BNC2: variants seen among roughly 807,000 people sequenced by gnomAD.
BNC2 encodes basonuclin zinc finger protein 2, also known as zinc finger protein basonuclin-2.
A neutral mutation model predicts 76.3 loss-of-function variants in BNC2; 20 were observed. The ratio of observed to expected loss-of-function variants is 0.26; its 90% CI spans 0.18 to 0.38. The LOEUF is 0.38. BNC2 is among the 10% of genes least tolerant of loss of function. The probability of loss-of-function intolerance (pLI) is 1.00; values close to 1 mark genes in which losing one functional copy is unlikely to be tolerated. For synonymous variants in BNC2, 582 were observed against 514.8 expected (o/e 1.13, Z -1.77); for missense variants, 1,382 against 1,399.8 (o/e 0.99, Z 0.20).
intron 5 of BNC2, among the ~76,000 whole-genome samples, chr9:16,542,847 ACAG>A (rs1189563859): frequency 6.6e-6 from 1 of 152,196 alleles, no homozygotes; most frequent in Non-Finnish European, 1.5e-5. Flanking sequence ...AGAAACCCAC[ACAG>A]ATCCTTATCT....
intron 6 of BNC2, among the ~76,000 whole-genome samples, chr9:16,425,002 C>G (rs1418671460): frequency 6.6e-6 from 1 of 152,088 alleles, no homozygotes. Context: ...TCCAAAAGAT[C>G]TGAAAACCAT....
At chr9:16,601,440 T>C (rs1820241273) in intron 3 of BNC2, among the ~76,000 whole-genome samples, 1 of 152,220 alleles carries the variant, frequency 6.6e-6, no homozygotes, top group Non-Finnish European at 1.5e-5. Context: ...TTTAAAGGAC[T>C]TCAGGGGTAA....
At chr9:16,521,406 A>C (rs554065673) in intron 5 of BNC2, among the ~76,000 whole-genome samples, 1 of 152,364 alleles carries the variant, frequency 6.6e-6, no homozygotes, top group East Asian at 1.9e-4. Context: ...TGTGAGCAGC[A>C]ATGTCATGAC....
At chr9:16,455,825 G>A (rs1057480526) in intron 5 of BNC2, among the ~76,000 whole-genome samples, 5 of 151,754 alleles carry the variant, frequency 3.3e-5, no homozygotes, top group African/African-American at 7.2e-5. Context: ...GGAACTTCAG[G>A]CAGTCTAAGG....
chr9:16,504,380 T>C (rs1373408728), intron 5 of BNC2, among the ~76,000 whole-genome samples: 1 of 144,372 alleles, frequency 6.9e-6, no homozygotes, highest in Non-Finnish European at 1.5e-5. Flanking sequence ...CTGAAATAAT[T>C]GTCTTCCTCT....
At chr9:16,592,123 C>CA (rs953750906) in intron 3 of BNC2, among the ~76,000 whole-genome samples, 18 of 151,436 alleles carry the variant, frequency 1.2e-4, no homozygotes, top group Admixed American at 3.3e-4. Flanking sequence ...CCCCTCCCCC[C>CA]AAAAAAAACC....
At chr9:16,614,942 T>A (rs1335173459) in intron 3 of BNC2, among the ~76,000 whole-genome samples, 2 of 130,416 alleles carry the variant, frequency 1.5e-5, no homozygotes, top group Non-Finnish European at 3.1e-5. Context: ...GATGACAGAG[T>A]GAGACTCTGT....
intron 3 of BNC2, among the ~76,000 whole-genome samples, chr9:16,593,445 T>TA (rs1033211117): frequency 6.6e-5 from 10 of 151,864 alleles, no homozygotes; most frequent in Admixed American, 6.6e-4. Flanking sequence ...AAGTTCAGAG[T>TA]AAAAATCAAC....
chr9:16,858,441 AC>A (rs1218016180), intron 1 of BNC2, among the ~76,000 whole-genome samples: 1 of 152,222 alleles, frequency 6.6e-6, no homozygotes, highest in African/African-American at 2.4e-5. Context: ...AATAGAATGT[AC>A]TTTTTTAATG....
At chr9:16,574,162 G>A (rs1819417252) in intron 4 of BNC2, among the ~76,000 whole-genome samples, 2 of 152,150 alleles carry the variant, frequency 1.3e-5, no homozygotes, top group Non-Finnish European at 2.9e-5. Flanking sequence ...TTCAATTTGT[G>A]TTCTGCTTAA....
At chr9:16,656,368 G>A (rs1206955709) in intron 3 of BNC2, among the ~76,000 whole-genome samples, 2 of 152,192 alleles carry the variant, frequency 1.3e-5, no homozygotes, top group African/African-American at 4.8e-5. Context: ...CTCATTCGAT[G>A]CACCAGGAGA....
At chr9:16,435,135 T>C (rs1408180225) in intron 6 of BNC2, 2 of 451,436 alleles carry the variant, frequency 4.4e-6, no homozygotes, top group Admixed American at 5.0e-5. Context: ...GAAGATAATA[T>C]ACTGATTTAA....
intron 1 of BNC2, among the ~76,000 whole-genome samples, chr9:16,815,237 T>C (rs760768096): frequency 1.3e-5 from 2 of 152,236 alleles, no homozygotes; most frequent in Admixed American, 6.5e-5. Context: ...TAAGTACAGC[T>C]GGAGTGTAGG....
intron 3 of BNC2, among the ~76,000 whole-genome samples, chr9:16,671,295 T>C (rs1822470364): frequency 6.6e-6 from 1 of 152,074 alleles, no homozygotes; most frequent in African/African-American, 2.4e-5. Flanking sequence ...GATAAAATAA[T>C]ATGTGATTGC....
Position 16,870,221 on chromosome 9 carries a change from G to A in BNC2, c.3+425C>T, listed in dbSNP as rs903445232. Among the ~76,000 whole-genome samples the A allele has an allele frequency of 3.3e-5, 5 of 152,108 alleles. No homozygotes were observed. The South Asian group carries it at 8.3e-4, about 25-fold the overall frequency. Reference sequence around the variant, plus strand: ...CGGCAAGTTGTAAAAGTTCCCGTAGGTCCCAGCCGCCTTCCTCTCTTCCCC... The same window carrying A: ...CGGCAAGTTGTAAAAGTTCCCGTAGATCCCAGCCGCCTTCCTCTCTTCCCC... On this transcript the variant is annotated intron_variant, in intron 1 of 6. Coordinates refer to ENST00000380672, the MANE Select transcript of BNC2 (RefSeq NM_017637.6).
intron 3 of BNC2, among the ~76,000 whole-genome samples, chr9:16,720,153 C>T (rs1000374329): frequency 6.6e-6 from 1 of 152,220 alleles, no homozygotes; most frequent in Non-Finnish European, 1.5e-5. Flanking sequence ...CGAGACAGTC[C>T]TGTCAGCACT....
chr9:16,725,205 A>T (rs1824273748), intron 3 of BNC2, among the ~76,000 whole-genome samples: 1 of 99,034 alleles, frequency 1.0e-5, no homozygotes. Context: ...AATTTCAATA[A>T]GTCTCTCTCT....
chr9:16,541,080 CA>C (rs1818306124), intron 5 of BNC2, among the ~76,000 whole-genome samples: 1 of 152,190 alleles, frequency 6.6e-6, no homozygotes, highest in Non-Finnish European at 1.5e-5. Flanking sequence ...AAACTTCCTT[CA>C]GGTGCCCTAG....
intron 1 of BNC2, among the ~76,000 whole-genome samples, chr9:16,841,949 A>C (rs930922604): frequency 6.6e-6 from 1 of 152,062 alleles, no homozygotes; most frequent in Admixed American, 6.5e-5. Flanking sequence ...AGCTGGGATT[A>C]CAGGCATGCA....
Sources: allele counts gnomAD v4.1 joint callset (sites outside exome capture counted in the v4.1 genomes callset), GRCh38; gene constraint gnomAD v4.1.1; transcripts MANE v1.5; gene names NCBI Gene and HGNC (gene_info 2026-07-23, HGNC 2026-07-21).